Variants in HECW2 observed in about 807,000 individuals in gnomAD.
HECW2 encodes the protein E3 ubiquitin-protein ligase HECW2.
In HECW2, 61 loss-of-function variants were observed where a neutral mutation model predicts 175.2. The observed-to-expected ratio is 0.35, with a 90% CI of 0.28 to 0.43. The LOEUF (loss-of-function observed/expected upper bound fraction) is 0.43, where lower values mean the gene tolerates loss of function less well. HECW2 is among the 20% of genes least tolerant of loss of function. The pLI, the probability that HECW2 is intolerant of heterozygous loss-of-function variation, is 1.00. For synonymous variants in HECW2, 671 were observed against 731.0 expected, an observed-to-expected ratio of 0.92 and a Z score of 1.32; for missense variants, 1,524 against 2,000.5, an observed-to-expected ratio of 0.76 and a Z score of 4.54.
chr2:196,210,007 C>T (rs910063666), intron 28 of HECW2, among the ~76,000 whole-genome samples: 1 of 152,134 alleles, frequency 6.6e-6, no homozygotes, highest in Non-Finnish European at 1.5e-5. Context: ...TCGTGATCTG[C>T]CCACCTTGGC....
chr2:196,537,747 G>A (rs1049702858), intron 1 of HECW2, among the ~76,000 whole-genome samples: 1 of 152,210 alleles, frequency 6.6e-6, no homozygotes, highest in Non-Finnish European at 1.5e-5. Context: ...AGACTTGGGA[G>A]TGTCCAGATA....
chr2:196,447,397 C>A (rs1377971002), intron 1 of HECW2, among the ~76,000 whole-genome samples: 1 of 152,140 alleles, frequency 6.6e-6, no homozygotes, highest in African/African-American at 2.4e-5. Flanking sequence ...CCCTTTCAAC[C>A]CCATTTCTGC....
chr2:196,250,036 T>C (rs1460085367), intron 19 of HECW2, among the ~76,000 whole-genome samples: 1 of 152,242 alleles, frequency 6.6e-6, no homozygotes, highest in Non-Finnish European at 1.5e-5. Context: ...TCATACAGTC[T>C]TGAAGAATGT....
At position 196,319,729 on chromosome 2, in the gene HECW2, C is replaced by A. The variant is rs1691867755; in HGVS notation, c.1161G>T (p.Arg387Ser). The A allele has an allele frequency of 1.2e-6, 2 of 1,614,066 alleles. No individual in the cohort carries two copies. Among genetic ancestry groups the A allele is most frequent in the African/African-American group, 1.3e-5 (1 of 74,920 alleles). ...TGTCTATTTCCAGAGTGGAGCTAGT[C>A]CTGAATGAATGCTTGGGGGTTCCAT... ...AADGTPKHSF[R>S]TSSTLEIDTE... The change falls in exon 9 of 29, where the codon AGG becomes AGT. Residue 387 changes from arginine (R) to serine (S), a missense_variant. Around this residue, in one of 11 missense-constraint regions of HECW2, gnomAD observed 604 missense variants for 588.3 expected, o/e 1.03. Transcript: ENST00000644978.
At chr2:196,306,024 C>T (rs1013974359) in intron 13 of HECW2, among the ~76,000 whole-genome samples, 1 of 151,988 alleles carries the variant, frequency 6.6e-6, no homozygotes, top group African/African-American at 2.4e-5. Context: ...AACCTAATCA[C>T]CAATATAATA....
intron 1 of HECW2, among the ~76,000 whole-genome samples, chr2:196,541,102 A>G (rs1342928207): frequency 6.6e-6 from 1 of 152,074 alleles, no homozygotes; most frequent in Non-Finnish European, 1.5e-5. Flanking sequence ...CATTTCCTCC[A>G]TAAGATATGC....
intron 1 of HECW2, among the ~76,000 whole-genome samples, chr2:196,451,672 A>ACTTTGG (rs1405677778): frequency 6.6e-6 from 1 of 151,944 alleles, no homozygotes; most frequent in Non-Finnish European, 1.5e-5. Flanking sequence ...GGCCAAGGCA[A>ACTTTGG]GAGGATCACT....
intron 14 of HECW2, among the ~76,000 whole-genome samples, chr2:196,284,358 T>C (rs1398060181): frequency 1.3e-5 from 2 of 152,238 alleles, no homozygotes; most frequent in African/African-American, 4.8e-5. Flanking sequence ...GTATATTGTT[T>C]ACACATGTTT....
Position 196,306,459 on chromosome 2 carries a change from C to T in HECW2, c.2814+29G>A, listed in dbSNP as rs12468199. ...TCATTTGCTTTGGCCTGCTGTTTTC[C>T]TTCACACTCTTTCAGATTCGCTACT... On this transcript the variant is annotated intron_variant, in intron 13 of 28. Coordinates refer to ENST00000644978, the MANE Select transcript of HECW2 (RefSeq NM_001348768.2). The T allele has an allele frequency of 0.62, 977,702 of 1,581,588 alleles. 311,695 individuals carry two copies. Among genetic ancestry groups the T allele is most frequent in the East Asian group, 0.78 (33,813 of 43,582 alleles).
chr2:196,426,822 A>C (rs1259725461), intron 2 of HECW2, among the ~76,000 whole-genome samples: 1 of 152,192 alleles, frequency 6.6e-6, no homozygotes, highest in Non-Finnish European at 1.5e-5. Flanking sequence ...ACATAAGCTT[A>C]AACTTTGGGA....
intron 26 of HECW2, 44 bp from the exon 27 acceptor site, chr2:196,217,137 A>G (rs748066311): frequency 6.4e-6 from 9 of 1,413,782 alleles, no homozygotes; most frequent in Admixed American, 5.7e-5. Flanking sequence ...TGACTCTTCT[A>G]TATTAAGCCA....
At chr2:196,588,123 C>T (rs951984544) in intron 1 of HECW2, among the ~76,000 whole-genome samples, 2 of 152,188 alleles carry the variant, frequency 1.3e-5, no homozygotes, top group Non-Finnish European at 2.9e-5. Context: ...CACTCATCTC[C>T]TTCTAGCATC....
intron 2 of HECW2, among the ~76,000 whole-genome samples, chr2:196,367,647 C>T (rs1012555548): frequency 3.3e-5 from 5 of 152,070 alleles, no homozygotes; most frequent in Admixed American, 6.6e-5. Flanking sequence ...AACCCACTAC[C>T]CTTCCCAGCC....
At chr2:196,413,644 C>T (rs1343208266) in intron 2 of HECW2, among the ~76,000 whole-genome samples, 3 of 151,940 alleles carry the variant, frequency 2.0e-5, no homozygotes, top group African/African-American at 4.8e-5. Flanking sequence ...TATGCCCAGC[C>T]GACCCTGTCT....
chr2:196,576,884 G>C (rs982450265), intron 1 of HECW2, among the ~76,000 whole-genome samples: 3 of 152,066 alleles, frequency 2.0e-5, no homozygotes, highest in Admixed American at 6.5e-5. Context: ...AGAAAAAAAG[G>C]AAATGGATGT....
chr2:196,458,017 C>T (rs1696581809), intron 1 of HECW2, among the ~76,000 whole-genome samples: 1 of 152,186 alleles, frequency 6.6e-6, no homozygotes, highest in Admixed American at 6.5e-5. Flanking sequence ...CATCTGTAAT[C>T]CCAACACTTT....
rs1166383445 is a variant in HECW2, at chr2:196,593,505, C to T, written c.-36+3G>A. ...CGGAGAGCGAAGAGTCCGGCCTCCTCACCTCCAGCCGCGCCGGCGCCCTTC... is the reference window on the plus strand; with the variant it reads ...CGGAGAGCGAAGAGTCCGGCCTCCTTACCTCCAGCCGCGCCGGCGCCCTTC... On this transcript the variant is annotated splice_donor_region_variant and intron_variant, in intron 1 of 28. Transcript: ENST00000644978. The T allele has an allele frequency of 2.0e-5, 3 of 152,274 alleles. No homozygotes were observed. The highest frequency in any genetic ancestry group is 7.2e-5 in the African/African-American group (3 of 41,460). 9.4% of individuals were successfully genotyped at this position (152,274 alleles called of 1,614,324 possible). A position where few individuals can be genotyped will look rare whatever the true frequency, so the allele number is the denominator to read the frequency against.
At chr2:196,497,500 G>A (rs947141103) in intron 1 of HECW2, among the ~76,000 whole-genome samples, 3 of 152,194 alleles carry the variant, frequency 2.0e-5, no homozygotes, top group African/African-American at 4.8e-5. Flanking sequence ...ACCAGTATTA[G>A]ATGATGATAA....
At chr2:196,340,540 G>A (rs1435461071) in intron 3 of HECW2, among the ~76,000 whole-genome samples, 2 of 139,784 alleles carry the variant, frequency 1.4e-5, no homozygotes, top group East Asian at 4.3e-4. Context: ...AGGTTGCAGT[G>A]AGCCAAGAAC....
Sources: gnomAD v4.1 joint callset for allele counts (sites outside exome capture counted in the v4.1 genomes callset) on GRCh38, gnomAD v4.1.1 for gene constraint, gnomAD v4.1.1 regional missense constraint, MANE v1.5 for transcripts, NCBI Gene and HGNC (gene_info 2026-07-23, HGNC 2026-07-21) for gene names.